WSB2: variants seen among roughly 807,000 people sequenced by gnomAD.
WSB2 encodes WD repeat and SOCS box-containing protein 2.
Under a neutral mutation model 48.8 loss-of-function variants are expected in WSB2, and 12 were observed. That is an observed-to-expected ratio of 0.25 (90% CI 0.16 to 0.40). The LOEUF is 0.40. Among genes scored for constraint, WSB2 ranks in the 10% least tolerant of loss-of-function variants. The pLI is 1.00. For missense variants in WSB2, 317 were observed against 506.2 expected (o/e 0.63, Z 3.59); for synonymous variants, 191 against 203.1 (o/e 0.94, Z 0.51).
At chr12:118,059,615 T>C (rs1386335166) in intron 1 of WSB2, among the ~76,000 whole-genome samples, 4 of 152,180 alleles carry the variant, frequency 2.6e-5, no homozygotes, top group African/African-American at 4.8e-5. Flanking sequence ...TGTCAATCTT[T>C]AGGAAAACCC....
At position 118,034,127 on chromosome 12, in the gene WSB2, A is replaced by G. The variant is rs2031443859; in HGVS notation, c.*69T>C. The G allele has an allele frequency of 2.5e-6, 4 of 1,590,800 alleles. No individual in the cohort carries two copies. In the Admixed American group the frequency reaches 6.7e-5, roughly 27 times the overall value. The stretch of plus-strand genomic sequence containing the variant: ...CAATGCAAGACCAGATGTTTGGCCC[A>G]TTATTCCAGCAACTCCCTTTGACAG... On this transcript the variant is annotated 3_prime_UTR_variant, in exon 9 of 9. Coordinates refer to ENST00000315436, the MANE Select transcript of WSB2 (RefSeq NM_018639.5).
upstream of WSB2, among the ~76,000 whole-genome samples, chr12:118,061,543 T>C (rs1354701070): frequency 2.0e-5 from 3 of 148,772 alleles, no homozygotes; most frequent in South Asian, 2.2e-4. Flanking sequence ...AGGGGAGCGA[T>C]AGAAACCGGA....
At chr12:118,061,943 AGG>A (rs1318769101), upstream of WSB2, among the ~76,000 whole-genome samples, 1 of 116,922 alleles carries the variant, frequency 8.6e-6, no homozygotes, top group Non-Finnish European at 1.7e-5. Context: ...GGGTAAAACA[AGG>A]GGGGCTACTC....
intron 1 of WSB2, among the ~76,000 whole-genome samples, chr12:118,059,830 GAGC>G (rs2032029110): frequency 6.6e-6 from 1 of 152,216 alleles, no homozygotes; most frequent in African/African-American, 2.4e-5. Context: ...GAAGGAGAGA[GAGC>G]TGCCTTTAAC....
At chr12:118,035,347 G>T in intron 6 of WSB2, 23 bp from the exon 7 acceptor site, 1 of 1,607,150 alleles carries the variant, frequency 6.2e-7, no homozygotes, top group Non-Finnish European at 8.5e-7. Flanking sequence ...GAAACAGGAT[G>T]GCAGGCCTGG....
chr12:118,038,471 G>C, intron 4 of WSB2, 83 bp from the exon 5 acceptor site: 1 of 1,305,104 alleles, frequency 7.7e-7, no homozygotes, highest in Non-Finnish European at 1.1e-6. Flanking sequence ...GGTGGTAACA[G>C]CCCCCAGCCC....
rs567966636 is a variant in WSB2, at chr12:118,046,959, C to T, written c.183-3582G>A. On this transcript the variant is annotated intron_variant, in intron 2 of 8. Coordinates refer to ENST00000315436, the MANE Select transcript of WSB2 (RefSeq NM_018639.5). The stretch of plus-strand genomic sequence containing the variant: ...GCTAATTTTTTAATTTTTGCAGAGA[C>T]AGGGTCTCACTATGCTGCCCAGGTT... Among the ~76,000 whole-genome samples, 3 of 152,092 alleles carry T rather than the reference C, an allele frequency of 2.0e-5. No individual in the cohort carries two copies. In the East Asian group the frequency reaches 5.8e-4, roughly 29 times the overall value.
intron 5 of WSB2, among the ~76,000 whole-genome samples, chr12:118,037,524 C>T (rs1324580831): frequency 3.9e-5 from 6 of 152,114 alleles, no homozygotes. Context: ...AAAAATTAGC[C>T]AGGCGTGGTG....
intron 1 of WSB2, among the ~76,000 whole-genome samples, chr12:118,058,400 T>A (rs2032000921): frequency 6.6e-6 from 1 of 152,136 alleles, no homozygotes; most frequent in Non-Finnish European, 1.5e-5. Context: ...CAGGCTGGAA[T>A]GCAGTAGCAC....
Position 118,035,346 on chromosome 12 carries a change from T to C in WSB2, c.834-22A>G, listed in dbSNP as rs374731610. 17 of 1,608,118 alleles carry C rather than the reference T, an allele frequency of 1.1e-5. 1 individual carries two copies. In the South Asian group the frequency reaches 1.5e-4, roughly 15 times the overall value. On this transcript the variant is annotated intron_variant, in intron 6 of 8. Coordinates refer to ENST00000315436, the MANE Select transcript of WSB2 (RefSeq NM_018639.5). ...GTGGCTGGGAAGGAAAGAAACAGGA[T>C]GGCAGGCCTGGAGTGATGGCTGCTC...
chr12:118,034,051 TG>T lies in WSB2; in HGVS notation c.*144del. The T allele has an allele frequency of 9.0e-7, 1 of 1,113,324 alleles. No individual in the cohort carries two copies. Among genetic ancestry groups the T allele is most frequent in the Non-Finnish European group, 1.3e-6 (1 of 761,980 alleles). The allele number at this position is 1,113,324 out of a possible 1,614,324, so 69.0% of individuals were successfully genotyped here. A position where few individuals can be genotyped will look rare whatever the true frequency, so the allele number is the denominator to read the frequency against. On this transcript the variant is annotated 3_prime_UTR_variant, in exon 9 of 9. Coordinates refer to ENST00000315436, the MANE Select transcript of WSB2 (RefSeq NM_018639.5). ...AGAGAAAGATCCATGACTAGTACAC[TG>T]GAATCTGGTTTTGCTACATTCTATT...
intron 2 of WSB2, among the ~76,000 whole-genome samples, chr12:118,049,877 T>G (rs2031817323): frequency 6.6e-6 from 1 of 152,166 alleles, no homozygotes; most frequent in African/African-American, 2.4e-5. Flanking sequence ...ACCTTAAATC[T>G]AATGTTATTT....
intron 2 of WSB2, among the ~76,000 whole-genome samples, chr12:118,044,607 G>A (rs182507094): frequency 1.3e-5 from 2 of 152,222 alleles, no homozygotes; most frequent in Admixed American, 6.5e-5. Context: ...GCTGTGTAGA[G>A]GTATCCTGTC....
At chr12:118,057,802 T>C (rs2031984885) in intron 1 of WSB2, among the ~76,000 whole-genome samples, 1 of 150,332 alleles carries the variant, frequency 6.7e-6, no homozygotes, top group South Asian at 2.1e-4. Flanking sequence ...AGACCCAGGC[T>C]GGGGTGCAGT....
chr12:118,042,600 G>A lies in WSB2; in HGVS notation c.559+241C>T, dbSNP rs141641701. 447 of 482,136 alleles carry A rather than the reference G, an allele frequency of 9.3e-4. 2 individuals are homozygous for A. Among genetic ancestry groups the A allele is most frequent in the African/African-American group, 7.7e-3 (399 of 51,588 alleles). The allele number at this position is 482,136 out of a possible 1,614,324, so 29.9% of individuals were successfully genotyped here. On this transcript the variant is annotated intron_variant, in intron 4 of 8. Coordinates refer to ENST00000315436, the MANE Select transcript of WSB2 (RefSeq NM_018639.5). ...ATAAGTAGATATACAATATATCTTC[G>A]ATATTAAAATAGCCTAAATAGACAC...
At chr12:118,041,412 C>T (rs1256779069) in intron 4 of WSB2, among the ~76,000 whole-genome samples, 1 of 152,182 alleles carries the variant, frequency 6.6e-6, no homozygotes, top group Non-Finnish European at 1.5e-5. Context: ...CCCCAACCTT[C>T]AGAACTGTGA....
chr12:118,038,399 A>G lies in WSB2; in HGVS notation c.560-11T>C. On this transcript the variant is annotated splice_polypyrimidine_tract_variant and intron_variant, in intron 4 of 8. Transcript: ENST00000315436. The stretch of plus-strand genomic sequence containing the variant: ...CTTGAATCTGTTTACCTGGCAGGAA[A>G]AAGAAGCAAACAATGAGCCAGTCCT... The G allele has an allele frequency of 6.2e-7, 1 of 1,613,396 alleles. No individual in the cohort carries two copies. The highest frequency in any genetic ancestry group is 8.5e-7 in the Non-Finnish European group (1 of 1,179,576).
At chr12:118,049,889 T>TA (rs1436731176) in intron 2 of WSB2, among the ~76,000 whole-genome samples, 1 of 152,266 alleles carries the variant, frequency 6.6e-6, no homozygotes, top group East Asian at 1.9e-4. Flanking sequence ...ATGTTATTTA[T>TA]AAAAAATGCT....
rs569518061 is a variant in WSB2 at position 118,045,500 on chromosome 12, C to G, written c.183-2123G>C. ...ATCACCTGAGGTCAGGAGTTCGAGA[C>G]CAGCCTGACCAATATGGTGAAACCC... On this transcript the variant is annotated intron_variant, in intron 2 of 8. Coordinates refer to ENST00000315436, the MANE Select transcript of WSB2 (RefSeq NM_018639.5). Among the ~76,000 whole-genome samples, 11 of 152,104 alleles carry G rather than the reference C, an allele frequency of 7.2e-5. No individual in the cohort carries two copies. In the East Asian group the frequency reaches 2.1e-3, roughly 29 times the overall value.
Sources: gnomAD v4.1 joint callset for allele counts (sites outside exome capture counted in the v4.1 genomes callset) on GRCh38, gnomAD v4.1.1 for gene constraint, MANE v1.5 for transcripts, NCBI Gene and HGNC (gene_info 2026-07-23, HGNC 2026-07-21) for gene names.